Variants in PPP3R1 observed in about 807,000 individuals in gnomAD.
The protein encoded by PPP3R1 is protein phosphatase 3 regulatory subunit B, alpha, also known as calcineurin subunit B type 1.
In PPP3R1, 5 loss-of-function variants were observed where a neutral mutation model predicts 22.6. That is an observed-to-expected ratio of 0.22 (90% CI 0.12 to 0.46). The LOEUF (loss-of-function observed/expected upper bound fraction) is 0.46, where lower values mean the gene tolerates loss of function less well. Ranked by LOEUF, PPP3R1 falls within the 20% of genes least tolerant of loss-of-function variation. The probability of loss-of-function intolerance (pLI) is 0.99; values close to 1 mark genes in which losing one functional copy is unlikely to be tolerated. For missense variants in PPP3R1, 61 were observed against 203.2 expected (o/e 0.30, Z 4.25); for synonymous variants, 56 against 65.2 (o/e 0.86, Z 0.68).
chr2:68,248,045 T>C (rs1295948843), intron 1 of PPP3R1, among the ~76,000 whole-genome samples: 1 of 152,148 alleles, frequency 6.6e-6, no homozygotes, highest in African/African-American at 2.4e-5. Context: ...TCCTTCATGA[T>C]ATGCAAATCC....
intron 1 of PPP3R1, among the ~76,000 whole-genome samples, chr2:68,229,086 T>C (rs902919691): frequency 6.6e-6 from 1 of 152,160 alleles, no homozygotes; most frequent in African/African-American, 2.4e-5. Context: ...TGGCATGACA[T>C]GGCTCACTGC....
intron 1 of PPP3R1, among the ~76,000 whole-genome samples, chr2:68,230,375 C>A (rs1669872089): frequency 1.3e-5 from 2 of 152,160 alleles, no homozygotes; most frequent in South Asian, 4.1e-4. Context: ...AATGCTTTTG[C>A]ATGTATCTGT....
rs189025369 is a variant in PPP3R1, at chr2:68,224,107, A to G, written c.4-6976T>C. Among the ~76,000 whole-genome samples the G allele has an allele frequency of 1.2e-3, 178 of 152,318 alleles. 2 individuals are homozygous for G. Among genetic ancestry groups the G allele is most frequent in the Non-Finnish European group, 4.6e-4 (31 of 68,018 alleles). ...TGTGCAGGGAGTACACATGAAGACT[A>G]TAAGACATAGCTAAGAAAGAGATCT... On this transcript the variant is annotated intron_variant, in intron 1 of 5. Transcript: ENST00000234310.
At chr2:68,243,016 G>T (rs547225643) in intron 1 of PPP3R1, among the ~76,000 whole-genome samples, 1 of 152,082 alleles carries the variant, frequency 6.6e-6, no homozygotes, top group Non-Finnish European at 1.5e-5. Context: ...ACCAACACCA[G>T]AAAAACAAGT....
At chr2:68,229,870 G>C (rs1443633554) in intron 1 of PPP3R1, among the ~76,000 whole-genome samples, 1 of 151,764 alleles carries the variant, frequency 6.6e-6, no homozygotes, top group Non-Finnish European at 1.5e-5. Context: ...GTGTGTGTGT[G>C]TGTGTATGTA....
chr2:68,198,361 GTACATATATGTACATGTATATGCATA>G (rs1674870548), intron 2 of PPP3R1, among the ~76,000 whole-genome samples: 1 of 96,088 alleles, frequency 1.0e-5, no homozygotes, highest in South Asian at 2.8e-4. Context: ...GCATATATAT[GTACATATATGTACATGTATATGCATA>G]TATATGTATA....
At chr2:68,207,220 A>AT (rs1180228811) in intron 2 of PPP3R1, among the ~76,000 whole-genome samples, 2 of 82,998 alleles carry the variant, frequency 2.4e-5, no homozygotes, top group Non-Finnish European at 4.6e-5. Flanking sequence ...GGAAAATATG[A>AT]TAAAAAAAAA....
At chr2:68,211,741 T>C (rs964938940) in intron 2 of PPP3R1, among the ~76,000 whole-genome samples, 3 of 152,236 alleles carry the variant, frequency 2.0e-5, no homozygotes, top group Non-Finnish European at 4.4e-5. Context: ...AATTCTTTGT[T>C]GTCATTTCAG....
chr2:68,207,156 G>A (rs1675145219), intron 2 of PPP3R1, among the ~76,000 whole-genome samples: 1 of 144,502 alleles, frequency 6.9e-6, no homozygotes, highest in South Asian at 2.2e-4. Flanking sequence ...AACAAAAAAA[G>A]TGGCAGTTTT....
intron 1 of PPP3R1, among the ~76,000 whole-genome samples, chr2:68,238,685 A>G (rs898415818): frequency 8.5e-5 from 13 of 152,194 alleles, no homozygotes; most frequent in Admixed American, 8.5e-4. Context: ...CAAAAAGAAA[A>G]AAGTATTATG....
At chr2:68,249,880 A>C (rs1339572550) in intron 1 of PPP3R1, among the ~76,000 whole-genome samples, 1 of 152,236 alleles carries the variant, frequency 6.6e-6, no homozygotes, top group Non-Finnish European at 1.5e-5. Context: ...CTGTTGACAG[A>C]ATGTAAATAA....
intron 2 of PPP3R1, among the ~76,000 whole-genome samples, chr2:68,207,948 G>A (rs1465001906): frequency 6.6e-6 from 1 of 152,210 alleles, no homozygotes; most frequent in African/African-American, 2.4e-5. Flanking sequence ...CTGGGATCAG[G>A]AGTTCGAGAC....
At chr2:68,186,419 TA>T in intron 5 of PPP3R1, 48 bp downstream of exon 5, 1 of 1,505,552 alleles carries the variant, frequency 6.6e-7, no homozygotes, top group Non-Finnish European at 9.0e-7. Flanking sequence ...GTTTTTAAAA[TA>T]TGTTGCTGAA....
chr2:68,209,466 A>T (rs1669427341), intron 2 of PPP3R1, among the ~76,000 whole-genome samples: 1 of 151,790 alleles, frequency 6.6e-6, no homozygotes, highest in African/African-American at 2.4e-5. Context: ...ATTAAAAAAA[A>T]ATAAAGGCCA....
chr2:68,224,398 T>C (rs1454734001), intron 1 of PPP3R1, among the ~76,000 whole-genome samples: 2 of 152,156 alleles, frequency 1.3e-5, no homozygotes, highest in African/African-American at 2.4e-5. Flanking sequence ...CGGTAGCTCA[T>C]GCCTGTAATC....
chr2:68,181,566 G>C (rs147820073), intron 5 of PPP3R1, among the ~76,000 whole-genome samples: 1 of 150,274 alleles, frequency 6.7e-6, no homozygotes, highest in African/African-American at 2.5e-5. Flanking sequence ...CAGTCTTGCA[G>C]GCTACATGTA....
At chr2:68,230,553 A>C (rs963461788) in intron 1 of PPP3R1, among the ~76,000 whole-genome samples, 6 of 152,272 alleles carry the variant, frequency 3.9e-5, no homozygotes, top group Non-Finnish European at 8.8e-5. Context: ...CTCAAACATA[A>C]TTTAAAAACT....
At chr2:68,225,616 TAATA>T (rs1669766516) in intron 1 of PPP3R1, among the ~76,000 whole-genome samples, 1 of 152,218 alleles carries the variant, frequency 6.6e-6, no homozygotes, top group African/African-American at 2.4e-5. Flanking sequence ...AACTATGAAA[TAATA>T]AATGAGTGCT....
At chr2:68,222,268 A>G (rs979925395) in intron 1 of PPP3R1, among the ~76,000 whole-genome samples, 2 of 152,242 alleles carry the variant, frequency 1.3e-5, no homozygotes, top group African/African-American at 2.4e-5. Flanking sequence ...ACAGCATGGT[A>G]TATTAAAGAT....
Sources: gnomAD v4.1 joint callset for allele counts (sites outside exome capture counted in the v4.1 genomes callset) on GRCh38, gnomAD v4.1.1 for gene constraint, MANE v1.5 for transcripts, NCBI Gene and HGNC (gene_info 2026-07-23, HGNC 2026-07-21) for gene names.